Variants in PITPNB observed in about 807,000 individuals in gnomAD.
The protein encoded by PITPNB is phosphatidylinositol transfer protein beta isoform.
PITPNB carries 16 observed loss-of-function variants against 45.9 expected under a neutral mutation model. The ratio of observed to expected loss-of-function variants is 0.35; its 90% CI spans 0.24 to 0.53. The LOEUF is 0.53. Ranked by LOEUF, PITPNB falls within the 20% of genes least tolerant of loss-of-function variation. The pLI, the probability that PITPNB is intolerant of heterozygous loss-of-function variation, is 0.93. For missense variants in PITPNB, 188 were observed against 330.5 expected, an observed-to-expected ratio of 0.57 and a Z score of 3.34; for synonymous variants, 112 against 108.9, an observed-to-expected ratio of 1.03 and a Z score of -0.18.
intron 3 of PITPNB, among the ~76,000 whole-genome samples, chr22:27,907,701 T>A (rs1266357393): frequency 6.6e-6 from 1 of 152,148 alleles, no homozygotes; most frequent in East Asian, 1.9e-4. Context: ...CCTCTCTCCC[T>A]TCTCATGGGA....
intron 7 of PITPNB, among the ~76,000 whole-genome samples, chr22:27,882,216 T>C (rs551572283): frequency 2.9e-4 from 44 of 152,320 alleles, no homozygotes; most frequent in African/African-American, 1.0e-3. Flanking sequence ...GAAAATAATA[T>C]GTTTAAAAAG....
intron 2 of PITPNB, 39 bp downstream of exon 2, chr22:27,914,278 A>G: frequency 7.5e-7 from 1 of 1,328,068 alleles, no homozygotes; most frequent in Non-Finnish European, 1.1e-6. Context: ...AGTACAGTAC[A>G]TATACCAATA....
intron 8 of PITPNB, among the ~76,000 whole-genome samples, chr22:27,865,863 T>TA (rs943329960): frequency 6.6e-6 from 1 of 152,094 alleles, no homozygotes. Flanking sequence ...ATAAAAGTTT[T>TA]AAAAAAATGT....
intron 2 of PITPNB, among the ~76,000 whole-genome samples, chr22:27,912,031 T>C (rs1451634092): frequency 6.6e-6 from 1 of 152,220 alleles, no homozygotes; most frequent in Non-Finnish European, 1.5e-5. Flanking sequence ...ACTTCAAATT[T>C]GGCTAAATTT....
intron 10 of PITPNB, among the ~76,000 whole-genome samples, chr22:27,857,957 C>T (rs1934219514): frequency 6.6e-6 from 1 of 152,128 alleles, no homozygotes; most frequent in Admixed American, 6.5e-5. Context: ...TACCATTAGC[C>T]TTACCTTTTC....
At chr22:27,882,206 G>C (rs1337974302) in intron 7 of PITPNB, among the ~76,000 whole-genome samples, 1 of 151,988 alleles carries the variant, frequency 6.6e-6, no homozygotes, top group Non-Finnish European at 1.5e-5. Flanking sequence ...CCAACTTTTA[G>C]AAAATAATAT....
At chr22:27,886,645 AAATCTTAAGAGT>A (rs1317348564) in intron 7 of PITPNB, among the ~76,000 whole-genome samples, 6 of 152,350 alleles carry the variant, frequency 3.9e-5, no homozygotes, top group African/African-American at 1.4e-4. Flanking sequence ...TGAGAGAGTT[AAATCTTAAGAGT>A]AATCAACAAT....
chr22:27,864,831 G>C (rs1934437209), intron 8 of PITPNB, among the ~76,000 whole-genome samples: 1 of 151,952 alleles, frequency 6.6e-6, no homozygotes, highest in Admixed American at 6.6e-5. Flanking sequence ...CCAGTTACTT[G>C]GAAGGCTGAG....
intron 7 of PITPNB, among the ~76,000 whole-genome samples, chr22:27,891,676 T>TTCC (rs1935283866): frequency 1.3e-5 from 2 of 152,174 alleles, no homozygotes; most frequent in Admixed American, 1.3e-4. Context: ...GAGTTCCTCC[T>TTCC]TCCTCCTCCT....
chr22:27,897,051 G>C, intron 5 of PITPNB, 79 bp downstream of exon 5: 1 of 1,015,934 alleles, frequency 9.8e-7, no homozygotes, highest in Non-Finnish European at 1.6e-6. Flanking sequence ...AGTTAGCAAA[G>C]AATGGTTGAA....
intron 10 of PITPNB, 51 bp downstream of exon 10, chr22:27,858,336 A>G: frequency 6.9e-7 from 1 of 1,439,482 alleles, no homozygotes; most frequent in Non-Finnish European, 9.6e-7. Context: ...GCATGTATAC[A>G]GTTTTAGAAA....
At chr22:27,903,607 C>A (rs1457467771) in intron 3 of PITPNB, among the ~76,000 whole-genome samples, 2 of 151,240 alleles carry the variant, frequency 1.3e-5, no homozygotes, top group South Asian at 2.1e-4. Flanking sequence ...GGAGACCCCC[C>A]ACCTCTACAA....
At chr22:27,885,213 A>T (rs199618827) in intron 7 of PITPNB, among the ~76,000 whole-genome samples, 1,360 of 20,082 alleles carry the variant, frequency 0.068, 11 homozygotes, top group Non-Finnish European at 0.11. Context: ...ATTTATACCT[A>T]AAAAAAAAAA....
At position 27,896,700 on chromosome 22, in the gene PITPNB, T is replaced by C. The variant is rs1935443635; in HGVS notation, c.298-74A>G. The C allele has an allele frequency of 1.1e-5, 10 of 951,610 alleles. 1 individual carries two copies. In the South Asian group the frequency reaches 1.3e-4, roughly 13 times the overall value. 58.9% of individuals were successfully genotyped at this position (951,610 alleles called of 1,614,324 possible). A position where few individuals can be genotyped will look rare whatever the true frequency, so the allele number is the denominator to read the frequency against. ...TGGTGCCCACGTCTGAGGGAGCTTT[T>C]CCCAGTATAGGCATCCATGCTTTGA... On this transcript the variant is annotated intron_variant, in intron 5 of 11. Transcript: ENST00000335272.
chr22:27,894,718 GTC>G, intron 6 of PITPNB, 80 bp from the exon 7 acceptor site: 1 of 768,920 alleles, frequency 1.3e-6, no homozygotes, highest in South Asian at 1.6e-5. Context: ...TTTATCTTGA[GTC>G]TCTCAGGGGA....
chr22:27,919,246 C>T lies in PITPNB; in HGVS notation c.-55G>A, dbSNP rs954136470. Reference sequence around the variant, plus strand: ...GATACCACCGCCGCCGCCGCCGCTACCGCCTCTCACAGCGCCTGCGCGGCC... The same window carrying T: ...GATACCACCGCCGCCGCCGCCGCTATCGCCTCTCACAGCGCCTGCGCGGCC... On this transcript the variant is annotated 5_prime_UTR_variant, in exon 1 of 12. Transcript: ENST00000335272. 2.0e-6 allele frequency: 3 copies of T among 1,504,772 alleles called. No individual in the cohort carries two copies. Among genetic ancestry groups the T allele is most frequent in the Non-Finnish European group, 2.8e-6 (3 of 1,082,814 alleles). The allele number at this position is 1,504,772 out of a possible 1,614,324, so 93.2% of individuals were successfully genotyped here.
At chr22:27,858,330 G>T (rs1934229937) in intron 10 of PITPNB, 57 bp downstream of exon 10, 6 of 1,328,692 alleles carry the variant, frequency 4.5e-6, no homozygotes, top group Non-Finnish European at 3.2e-6. Context: ...TACCAAGCAT[G>T]TATACAGTTT....
intron 1 of PITPNB, among the ~76,000 whole-genome samples, chr22:27,918,855 T>G (rs557284572): frequency 1.3e-5 from 2 of 150,480 alleles, no homozygotes; most frequent in Non-Finnish European, 3.0e-5. Context: ...AGACCCAGCC[T>G]GGGGGTGGGG....
chr22:27,880,056 G>GC (rs1428052696), intron 7 of PITPNB, among the ~76,000 whole-genome samples: 1 of 151,994 alleles, frequency 6.6e-6, no homozygotes, highest in African/African-American at 2.4e-5. Context: ...TATGTGTCAG[G>GC]CCCCCACATT....
Sources: gnomAD v4.1 joint callset for allele counts (sites outside exome capture counted in the v4.1 genomes callset) on GRCh38, gnomAD v4.1.1 for gene constraint, MANE v1.5 for transcripts, NCBI Gene and HGNC (gene_info 2026-07-23, HGNC 2026-07-21) for gene names.